Variants in MDFI observed in about 807,000 individuals in gnomAD.
MDFI encodes the protein inhibitor of MyoD family a.
In MDFI, 16 loss-of-function variants were observed where a neutral mutation model predicts 22.3. The ratio of observed to expected loss-of-function variants is 0.72; its 90% confidence interval spans 0.49 to 1.09. MDFI has a LOEUF of 1.09. MDFI is among the 50% of genes least tolerant of loss of function. The pLI, the probability that MDFI is intolerant of heterozygous loss-of-function variation, is 0.00. For missense variants in MDFI, 314 were observed against 326.1 expected (o/e 0.96, Z 0.29); for synonymous variants, 145 against 142.7 (o/e 1.02, Z -0.12).
At chr6:41,638,314 C>G (rs1055672783), upstream of MDFI, 3 of 172,696 alleles carry the variant, frequency 1.7e-5, no homozygotes, top group Non-Finnish European at 3.6e-5. This position sits in a 1 kb window ranked among gnomAD's most constrained non-coding sequence, Gnocchi z 7.6. Context: ...CAGACGTGTC[C>G]GGCTCCTGGC....
chr6:41,641,487 A>G lies in MDFI; in HGVS notation c.76+2662A>G, dbSNP rs555746794. ...GGTGGACTGGTCAGAAGATCCGGCA[A>G]TGGCCCAGACCATGGGGAGGCCGGT... On this transcript the variant is annotated intron_variant, in intron 2 of 4. Coordinates refer to ENST00000230321, the MANE Select transcript of MDFI (RefSeq NM_005586.4). 7.2e-5 allele frequency among the ~76,000 whole-genome samples: 11 copies of G among 152,312 alleles called. No homozygotes were observed. The South Asian group carries it at 2.3e-3, about 32-fold the overall frequency.
At chr6:41,650,677 G>A (rs1028535776) in intron 4 of MDFI, among the ~76,000 whole-genome samples, 1 of 149,248 alleles carries the variant, frequency 6.7e-6, no homozygotes, top group Non-Finnish European at 1.5e-5. Flanking sequence ...GGGTTCAAGC[G>A]ATTCTTCTGT....
upstream of MDFI, chr6:41,638,464 A>G: frequency 2.2e-6 from 1 of 456,858 alleles, no homozygotes; most frequent in Non-Finnish European, 3.9e-6. This position sits in a 1 kb window ranked among gnomAD's most constrained non-coding sequence, Gnocchi z 7.6. Flanking sequence ...GAGGGAGAGA[A>G]GGAAGAAGGA....
chr6:41,640,144 G>A (rs1767797927), intron 2 of MDFI, among the ~76,000 whole-genome samples: 1 of 152,180 alleles, frequency 6.6e-6, no homozygotes, highest in South Asian at 2.1e-4. Flanking sequence ...GGGACAGCTG[G>A]GGGCAGGGCA....
intron 2 of MDFI, chr6:41,639,403 A>G (rs895593592): frequency 2.0e-6 from 2 of 984,908 alleles, no homozygotes; most frequent in South Asian, 9.4e-5. Context: ...ACGCACCCCA[A>G]CCCAGTGTCT....
rs74871947 is a variant in MDFI at position 41,645,478 on chromosome 6, C to G, written c.77-648C>G. Among the ~76,000 whole-genome samples, 618 of 152,240 alleles carry G rather than the reference C, an allele frequency of 4.1e-3. 2 individuals carry two copies. The highest frequency in any genetic ancestry group is 6.9e-3 in the Non-Finnish European group (471 of 68,022). ...CTGTAGCCCCTCCCTGCTCCTCACC[C>G]CCAGGTTCCTCTGACTCCTCTATCA... On this transcript the variant is annotated intron_variant, in intron 2 of 4. Transcript: ENST00000230321.
At chr6:41,646,679 C>T (rs1317450709) in intron 3 of MDFI, among the ~76,000 whole-genome samples, 1 of 152,122 alleles carries the variant, frequency 6.6e-6, no homozygotes, top group Non-Finnish European at 1.5e-5. Flanking sequence ...AAGGAAGAAG[C>T]CCCCAGTTGC....
At chr6:41,648,832 G>A (rs907832683) in intron 3 of MDFI, among the ~76,000 whole-genome samples, 48 of 152,308 alleles carry the variant, frequency 3.2e-4, no homozygotes, top group African/African-American at 9.9e-4. Context: ...GAAGGAATTC[G>A]GGGTTTGGGG....
At chr6:41,637,349 C>G (rs957205134), upstream of MDFI, 2 of 152,074 alleles carry the variant, frequency 1.3e-5, no homozygotes, top group Non-Finnish European at 1.5e-5. The surrounding 1 kb of genome is among the most constrained non-coding windows in gnomAD (Gnocchi z 6.8). Flanking sequence ...CGTCCCAGCT[C>G]TCCACTTCCA....
At chr6:41,648,065 AAAGAAG>A (rs1442670677) in intron 3 of MDFI, among the ~76,000 whole-genome samples, 1 of 150,692 alleles carries the variant, frequency 6.6e-6, no homozygotes, top group Non-Finnish European at 1.5e-5. Context: ...AAAAAAAAAA[AAAGAAG>A]CTGCTCCACC....
chr6:41,639,160 G>A (rs1767752938), intron 2 of MDFI: 2 of 861,472 alleles, frequency 2.3e-6, no homozygotes, highest in Non-Finnish European at 2.8e-6. Flanking sequence ...AACTGTTTCT[G>A]CCCAGTGTGT....
At chr6:41,637,169 C>G (rs1297579485), upstream of MDFI, 2 of 152,172 alleles carry the variant, frequency 1.3e-5, no homozygotes. The surrounding 1 kb of genome is among the most constrained non-coding windows in gnomAD (Gnocchi z 6.8). Context: ...CCGCAACCAC[C>G]CCAGCCCATC....
chr6:41,641,017 G>A (rs1767833739), intron 2 of MDFI, among the ~76,000 whole-genome samples: 1 of 152,202 alleles, frequency 6.6e-6, no homozygotes, highest in East Asian at 1.9e-4. Flanking sequence ...TTTCAGCTTG[G>A]TGGCCTGGGA....
In MDFI at chr6:41,653,813, T is replaced by G; in HGVS notation, c.*238T>G. The G allele has an allele frequency of 1.9e-6, 1 of 533,624 alleles. No individual in the cohort carries two copies. 33.1% of individuals were successfully genotyped at this position (533,624 alleles called of 1,614,324 possible). ...TGGCAGAGAAGCCTGAACTCTTTAC[T>G]GGGTTACCAGGTTCATACATTGCTG... is the stretch of plus-strand genomic sequence containing the variant. On this transcript the variant is annotated 3_prime_UTR_variant, in exon 5 of 5. Transcript: ENST00000230321. The surrounding 1 kb of genome is among the most constrained non-coding windows in gnomAD (Gnocchi z 4.2).
chr6:41,649,888 G>T (rs2073159), intron 4 of MDFI, 45 bp downstream of exon 4: 17 of 1,564,432 alleles, frequency 1.1e-5, no homozygotes, highest in Admixed American at 7.0e-5. Flanking sequence ...CTCCAAAGCC[G>T]GGTTCCTCGA....
At chr6:41,651,831 G>C (rs1768281385) in intron 4 of MDFI, among the ~76,000 whole-genome samples, 1 of 152,222 alleles carries the variant, frequency 6.6e-6, no homozygotes, top group Non-Finnish European at 1.5e-5. Context: ...AGAGCCAGCA[G>C]CCTGGATTCA....
At position 41,653,348 on chromosome 6, in the gene MDFI, C is replaced by T. The variant is rs1581847389; in HGVS notation, c.514C>T (p.Leu172=). 1 of 1,612,908 alleles carries T rather than the reference C, an allele frequency of 6.2e-7. No individual in the cohort carries two copies. The highest frequency in any genetic ancestry group is 8.5e-7 in the Non-Finnish European group (1 of 1,179,996). Residue 172 remains leucine (L), a synonymous_variant, in exon 5 of 5, where the codon CTG becomes TTG. Transcript: ENST00000230321. The surrounding 1 kb of genome is among the most constrained non-coding windows in gnomAD (Gnocchi z 4.2). ...CTGTGTCCACTGCATCCTGTCCTGC[C>T]TGTTCTGCGAGTTCCTGACGCTGTG... ...DCCVHCILSC[L]FCEFLTLCNI...
intron 2 of MDFI, among the ~76,000 whole-genome samples, chr6:41,644,964 C>T (rs1174497148): frequency 6.6e-6 from 1 of 151,250 alleles, no homozygotes; most frequent in Non-Finnish European, 1.5e-5. Flanking sequence ...TCTGTGTCAC[C>T]CTGCCTCTCC....
chr6:41,639,555 A>C, intron 2 of MDFI: 1 of 985,366 alleles, frequency 1.0e-6, no homozygotes, highest in South Asian at 4.7e-5. Flanking sequence ...CCTGGTTCTC[A>C]GTCCCTTCCC....
Sources: gnomAD v4.1 joint callset for allele counts (sites outside exome capture counted in the v4.1 genomes callset) on GRCh38, gnomAD v4.1.1 for gene constraint, Gnocchi (gnomAD v3.1) non-coding constraint, MANE v1.5 for transcripts, NCBI Gene and HGNC (gene_info 2026-07-23, HGNC 2026-07-21) for gene names.